TACR1: variants seen among roughly 807,000 people sequenced by gnomAD.
TACR1 encodes substance-P receptor.
Under a neutral mutation model 35.8 loss-of-function variants are expected in TACR1, and 25 were observed. The ratio of observed to expected loss-of-function variants is 0.70; its 90% CI spans 0.51 to 0.98. The LOEUF is 0.98. Ranked by LOEUF, TACR1 falls within the 50% of genes least tolerant of loss-of-function variation. TACR1 has a pLI of 0.00. For synonymous variants in TACR1, 195 were observed against 206.7 expected, an observed-to-expected ratio of 0.94 and a Z score of 0.48; for missense variants, 478 against 522.9, an observed-to-expected ratio of 0.91 and a Z score of 0.84.
At chr2:75,131,683 A>G (rs889516863) in intron 1 of TACR1, among the ~76,000 whole-genome samples, 3 of 152,240 alleles carry the variant, frequency 2.0e-5, no homozygotes, top group Non-Finnish European at 2.9e-5. Context: ...GTTGAAATTT[A>G]TAAAAAGTTT....
chr2:75,106,876 A>C (rs1673655385), intron 2 of TACR1, among the ~76,000 whole-genome samples: 3 of 151,798 alleles, frequency 2.0e-5, no homozygotes, highest in Non-Finnish European at 3.0e-5. Flanking sequence ...TATTAAACCA[A>C]ATGATGAAAG....
intron 2 of TACR1, among the ~76,000 whole-genome samples, chr2:75,093,524 T>G (rs1673350453): frequency 6.6e-6 from 1 of 152,164 alleles, no homozygotes; most frequent in African/African-American, 2.4e-5. Context: ...GGGTGAGCAT[T>G]GAGGACAAAG....
chr2:75,057,084 C>G (rs1672583740), intron 2 of TACR1, among the ~76,000 whole-genome samples: 2 of 152,214 alleles, frequency 1.3e-5, no homozygotes, highest in Admixed American at 6.5e-5. Context: ...TCTGTCAGGC[C>G]TCTGAGCCCA....
intron 2 of TACR1, among the ~76,000 whole-genome samples, chr2:75,053,984 T>C (rs926828783): frequency 1.3e-5 from 2 of 152,132 alleles, no homozygotes; most frequent in African/African-American, 4.8e-5. Flanking sequence ...TCTTGTGGAC[T>C]TTTTCCATAA....
Position 75,049,404 on chromosome 2 carries a change from G to T in TACR1, c.*28C>A, listed in dbSNP as rs200365445. On this transcript the variant is annotated 3_prime_UTR_variant, in exon 5 of 5. Transcript: ENST00000305249. ...AAGGGAGGCAGGTCAAAGGCAGTGG[G>T]GGCTGCACCTGCCAAAGGCCCTGTG... 1 of 1,596,230 alleles carries T rather than the reference G, an allele frequency of 6.3e-7. No individual in the cohort carries two copies. The highest frequency in any genetic ancestry group is 1.7e-5 in the Admixed American group (1 of 59,400).
intron 2 of TACR1, among the ~76,000 whole-genome samples, chr2:75,080,260 A>G (rs999498107): frequency 1.3e-5 from 2 of 152,168 alleles, no homozygotes; most frequent in Non-Finnish European, 2.9e-5. Flanking sequence ...TGCAGTGCTC[A>G]GTCACTCCGT....
chr2:75,145,971 G>A (rs1158359792), intron 1 of TACR1, among the ~76,000 whole-genome samples: 1 of 152,192 alleles, frequency 6.6e-6, no homozygotes, highest in Non-Finnish European at 1.5e-5. Context: ...CCAGAACACT[G>A]TGGGGAATGC....
chr2:75,180,639 C>T (rs766495762), intron 1 of TACR1, among the ~76,000 whole-genome samples: 2 of 152,156 alleles, frequency 1.3e-5, no homozygotes, highest in Non-Finnish European at 2.9e-5. Context: ...GCATGAATTG[C>T]ATGTGGAGCA....
chr2:75,184,172 G>T (rs1354899136), intron 1 of TACR1, among the ~76,000 whole-genome samples: 1 of 152,098 alleles, frequency 6.6e-6, no homozygotes, highest in East Asian at 1.9e-4. Flanking sequence ...TTTATTCTAG[G>T]AGTTCTAGAA....
At chr2:75,087,921 G>T (rs547416069) in intron 2 of TACR1, among the ~76,000 whole-genome samples, 1 of 152,338 alleles carries the variant, frequency 6.6e-6, no homozygotes, top group Admixed American at 6.5e-5. Flanking sequence ...ACTACTCACT[G>T]ATGATGAACT....
intron 1 of TACR1, 53 bp from the exon 2 acceptor site, chr2:75,120,821 C>A: frequency 7.2e-7 from 1 of 1,388,732 alleles, no homozygotes; most frequent in Non-Finnish European, 9.7e-7. Flanking sequence ...AAATCTGTAT[C>A]AGAGATTCCA....
intron 1 of TACR1, among the ~76,000 whole-genome samples, chr2:75,158,737 C>T (rs574136318): frequency 6.6e-6 from 1 of 152,294 alleles, no homozygotes; most frequent in South Asian, 2.1e-4. Context: ...ATATGCCCAG[C>T]ATCGCAAAGG....
chr2:75,196,040 C>T (rs1297424121), intron 1 of TACR1, among the ~76,000 whole-genome samples: 5 of 152,166 alleles, frequency 3.3e-5, no homozygotes, highest in Non-Finnish European at 7.4e-5. Flanking sequence ...CTTCATATTT[C>T]CCAAGTCTTC....
At chr2:75,151,745 A>G (rs574554246) in intron 1 of TACR1, among the ~76,000 whole-genome samples, 2 of 152,172 alleles carry the variant, frequency 1.3e-5, no homozygotes, top group South Asian at 4.1e-4. Context: ...AGAATAGCAG[A>G]TGCACCAACA....
intron 2 of TACR1, among the ~76,000 whole-genome samples, chr2:75,070,921 G>A (rs1234367880): frequency 6.6e-6 from 1 of 152,108 alleles, no homozygotes; most frequent in Admixed American, 6.5e-5. Context: ...GTTTTTATAT[G>A]GCTTGCAAAT....
At chr2:75,195,074 C>T (rs994599324) in intron 1 of TACR1, among the ~76,000 whole-genome samples, 23 of 152,290 alleles carry the variant, frequency 1.5e-4, no homozygotes, top group Admixed American at 1.3e-3. Context: ...GTCATCACCT[C>T]TCTGTGTCCC....
In TACR1 at chr2:75,049,444, A is replaced by G. The variant is rs1223804368; in HGVS notation, c.1212T>C (p.Asn404=). 2 of 1,613,488 alleles carry G rather than the reference A, an allele frequency of 1.2e-6. No individual in the cohort carries two copies. The highest frequency in any genetic ancestry group is 1.7e-5 in the Admixed American group (1 of 59,998). The stretch of plus-strand genomic sequence containing the variant: ...AAGGCCCTGTGGCCTAGGAGAGCAC[A>G]TTGGAGGAGAAGCTGAAGCTCTCTG... The part of the protein sequence containing the change: ...TMTESFSFSS[N]VLS Residue 404 remains asparagine, a synonymous_variant, in exon 5 of 5, where the codon AAT becomes AAC. Coordinates refer to ENST00000305249, the MANE Select transcript of TACR1 (RefSeq NM_001058.4).
At chr2:75,133,419 A>C (rs1558564055) in intron 1 of TACR1, among the ~76,000 whole-genome samples, 1 of 152,208 alleles carries the variant, frequency 6.6e-6, no homozygotes, top group Non-Finnish European at 1.5e-5. Context: ...TTCAGTCCTT[A>C]GGAGTAACAC....
chr2:75,180,725 G>A (rs1400471857), intron 1 of TACR1, among the ~76,000 whole-genome samples: 1 of 152,186 alleles, frequency 6.6e-6, no homozygotes, highest in Non-Finnish European at 1.5e-5. Flanking sequence ...AGGCATGTGA[G>A]TGAGCCCAGA....
Sources: allele counts gnomAD v4.1 joint callset (sites outside exome capture counted in the v4.1 genomes callset), GRCh38; gene constraint gnomAD v4.1.1; transcripts MANE v1.5; gene names NCBI Gene and HGNC (gene_info 2026-07-23, HGNC 2026-07-21).